The following GRP variants were observed in gnomAD, a reference collection of about 807,000 sequenced individuals.
The protein encoded by GRP is gastrin-releasing peptide.
In GRP, 11 loss-of-function variants were observed where a neutral mutation model predicts 12.7. The observed-to-expected ratio is 0.87, with a 90% CI of 0.55 to 1.44. GRP has a LOEUF of 1.44. Ranked by LOEUF, GRP falls within the 40% of genes most tolerant of loss-of-function variation. GRP has a pLI of 0.00. For missense variants in GRP, 212 were observed against 185.4 expected (o/e 1.14, Z -0.83); for synonymous variants, 84 against 77.7 (o/e 1.08, Z -0.43).
intron 1 of GRP, among the ~76,000 whole-genome samples, chr18:59,224,541 G>T: frequency 6.6e-6 from 1 of 152,170 alleles, no homozygotes; most frequent in East Asian, 1.9e-4. Flanking sequence ...ATTTCAAAGT[G>T]CTACAAAGTC....
chr18:59,224,688 A>G (rs2069887272), intron 1 of GRP, among the ~76,000 whole-genome samples: 1 of 152,264 alleles, frequency 6.6e-6, no homozygotes, highest in Admixed American at 6.5e-5. Flanking sequence ...TCTTGCATAC[A>G]TAAATTTTCA....
chr18:59,225,468 G>GTGTTTT, intron 1 of GRP, 24 bp from the exon 2 acceptor site: 4 of 1,589,226 alleles, frequency 2.5e-6, no homozygotes, highest in Non-Finnish European at 3.4e-6. Flanking sequence ...GGCATTCTGA[G>GTGTTTT]TGTTTTTGTT....
In GRP at chr18:59,220,169, C is replaced by A; in HGVS notation, c.-97C>A. On this transcript the variant is annotated 5_prime_UTR_variant, in exon 1 of 3. Coordinates refer to ENST00000256857, the MANE Select transcript of GRP (RefSeq NM_002091.5). ...CTAGTGGAGGCCGCAGCAGTAGCAC[C>A]AGCGGCTGCGGCGGCGGAGCTCCTC... 2.0e-6 allele frequency: 2 copies of A among 982,820 alleles called. No individual in the cohort carries two copies. The highest frequency in any genetic ancestry group is 2.8e-6 in the Non-Finnish European group (2 of 719,104). The allele number at this position is 982,820 out of a possible 1,614,324, so 60.9% of individuals were successfully genotyped here.
chr18:59,230,620 G>A lies in GRP; in HGVS notation c.*152G>A. 1.7e-6 allele frequency: 1 copy of A among 602,778 alleles called. No individual in the cohort carries two copies. 37.3% of individuals were successfully genotyped at this position (602,778 alleles called of 1,614,324 possible). ...CCTTGACTAAATTCGTGATTTTCAA[G>A]CAGCATCTTCTGGTTTAAACTTGTT... On this transcript the variant is annotated 3_prime_UTR_variant, in exon 3 of 3. Coordinates refer to ENST00000256857, the MANE Select transcript of GRP (RefSeq NM_002091.5).
chr18:59,227,004 T>TCTTC (rs1311178262), intron 2 of GRP, among the ~76,000 whole-genome samples: 1 of 99,854 alleles, frequency 1.0e-5, no homozygotes, highest in African/African-American at 4.0e-5. Context: ...TTTCTTTCTT[T>TCTTC]CTTTCTTTCT....
At chr18:59,228,163 T>C (rs575192310) in intron 2 of GRP, among the ~76,000 whole-genome samples, 14 of 152,350 alleles carry the variant, frequency 9.2e-5, no homozygotes, top group Middle Eastern at 3.4e-3. Flanking sequence ...CAGTTAGTGT[T>C]TGCAGAGACC....
upstream of GRP, chr18:59,220,128 AT>A: frequency 1.9e-5 from 4 of 210,136 alleles, no homozygotes; most frequent in East Asian, 1.5e-4. Flanking sequence ...CCGGGCTTCC[AT>A]ATAAAGTAGG....
chr18:59,227,012 T>TCTTTCTTTCTTTCTCTCTTTCTTC (rs2069940141), intron 2 of GRP, among the ~76,000 whole-genome samples: 1 of 130,272 alleles, frequency 7.7e-6, no homozygotes, highest in Non-Finnish European at 1.7e-5. Flanking sequence ...TTTCTTTCTT[T>TCTTTCTTTCTTTCTCTCTTTCTTC]CTTTCTTTCT....
Position 59,225,718 on chromosome 18 carries a change from A to C in GRP, c.366A>C (p.Val122=), listed in dbSNP as rs776958526. The change falls in exon 2 of 3, where the codon GTA becomes GTC. Residue 122 remains valine (V), a synonymous_variant. Coordinates refer to ENST00000256857, the MANE Select transcript of GRP (RefSeq NM_002091.5). ...DSEDSSNFKD[V]GSKGKVGRLS... is the part of the protein sequence containing the mutation. ...AGGATAGCAGCAACTTCAAAGATGT[A>C]GGTTCAAAAGGCAAAGGTAAAAGAA... is the stretch of plus-strand genomic sequence containing the variant. 1.2e-6 allele frequency: 2 copies of C among 1,613,976 alleles called. No individual in the cohort carries two copies. Among genetic ancestry groups the C allele is most frequent in the South Asian group, 2.2e-5 (2 of 91,064 alleles).
intron 2 of GRP, among the ~76,000 whole-genome samples, chr18:59,228,541 A>T (rs2069979335): frequency 6.6e-6 from 1 of 152,218 alleles, no homozygotes; most frequent in African/African-American, 2.4e-5. Context: ...TTTTGATGAC[A>T]AAGATATTTA....
Position 59,220,322 on chromosome 18 carries a change from C to T in GRP, c.57C>T (p.Pro19=). ...TGGCGCTGGTCCTCTGCCTGGCGCC[C>T]CGGGGGCGAGCGGTCCCGCTGCCTG... is the stretch of plus-strand genomic sequence containing the variant. The part of the protein sequence containing the change: ...VLLALVLCLA[P]RGRAVPLPAG... Residue 19 remains proline, a synonymous_variant, in exon 1 of 3, where the codon CCC becomes CCT. Transcript: ENST00000256857. 6.7e-7 allele frequency: 1 copy of T among 1,498,512 alleles called. No homozygotes were observed. Among genetic ancestry groups the T allele is most frequent in the Non-Finnish European group, 8.9e-7 (1 of 1,127,756 alleles). The allele number at this position is 1,498,512 out of a possible 1,614,324, so 92.8% of individuals were successfully genotyped here. A position where few individuals can be genotyped will look rare whatever the true frequency, so the allele number is the denominator to read the frequency against.
intron 2 of GRP, among the ~76,000 whole-genome samples, chr18:59,228,258 A>T (rs1014905733): frequency 1.3e-5 from 2 of 152,180 alleles, no homozygotes; most frequent in Non-Finnish European, 2.9e-5. Flanking sequence ...CCTTACAATG[A>T]TCTTATTCAA....
Position 59,220,411 on chromosome 18 carries a change from G to A in GRP, c.139+7G>A, listed in dbSNP as rs1186999786. The A allele has an allele frequency of 7.4e-7, 1 of 1,353,840 alleles. No individual in the cohort carries two copies. The highest frequency in any genetic ancestry group is 9.5e-7 in the Non-Finnish European group (1 of 1,050,300). The allele number at this position is 1,353,840 out of a possible 1,614,324, so 83.9% of individuals were successfully genotyped here. On this transcript the variant is annotated splice_region_variant and intron_variant, in intron 1 of 2. Coordinates refer to ENST00000256857, the MANE Select transcript of GRP (RefSeq NM_002091.5). ...GGCAACCACTGGGCGGTGGGTGAGT[G>A]TCCTGGCCGCGGGAGCCGCGCGCTT...
rs369106842 is a variant in GRP, at chr18:59,220,438, T to G, written c.139+34T>G. On this transcript the variant is annotated intron_variant, in intron 1 of 2. Coordinates refer to ENST00000256857, the MANE Select transcript of GRP (RefSeq NM_002091.5). ...CCTGGCCGCGGGAGCCGCGCGCTTG[T>G]CCTCCTCTGGATCAGCCAGCCGGAG... The G allele has an allele frequency of 7.0e-4, 931 of 1,337,020 alleles. 5 individuals carry two copies. In the African/African-American group the frequency reaches 8.8e-3, roughly 13 times the overall value. The allele number at this position is 1,337,020 out of a possible 1,614,324, so 82.8% of individuals were successfully genotyped here.
upstream of GRP, among the ~76,000 whole-genome samples, chr18:59,219,420 G>T (rs2069790611): frequency 7.2e-6 from 1 of 138,856 alleles, no homozygotes. Flanking sequence ...AGAGATTGGG[G>T]AGGAGGGGAG....
At chr18:59,229,229 A>C (rs887181401) in intron 2 of GRP, among the ~76,000 whole-genome samples, 1 of 152,076 alleles carries the variant, frequency 6.6e-6, no homozygotes. Flanking sequence ...CCTACCCCCA[A>C]CAATGGACCC....
At chr18:59,223,435 C>T (rs1230286595) in intron 1 of GRP, among the ~76,000 whole-genome samples, 1 of 152,172 alleles carries the variant, frequency 6.6e-6, no homozygotes, top group Non-Finnish European at 1.5e-5. Context: ...AGAACTGATC[C>T]CCACACATTC....
upstream of GRP, chr18:59,220,108 G>GCCCCCCCCCCCCC: frequency 4.6e-6 from 1 of 219,008 alleles, no homozygotes; most frequent in East Asian, 1.7e-4. Flanking sequence ...GAGCCCCCCA[G>GCCCCCCCCCCCCC]CCCCCCCGCC....
chr18:59,220,389 A>G lies in GRP; in HGVS notation c.124A>G (p.Asn42Asp). The change falls in exon 1 of 3, where the codon AAC becomes GAC. Residue 42 changes from asparagine (N) to aspartate (D), a missense_variant. Physicochemically the swap from Asn to Asp is conservative, Grantham distance 23. Transcript: ENST00000256857. ...TVLTKMYPRGNHWAVGHLMGK... is the reference protein window; with the variant it reads ...TVLTKMYPRGDHWAVGHLMGK... ...GCTGACCAAGATGTACCCGCGCGGC[A>G]ACCACTGGGCGGTGGGTGAGTGTCC... 2 of 1,406,798 alleles carry G rather than the reference A, an allele frequency of 1.4e-6. No individual in the cohort carries two copies. The highest frequency in any genetic ancestry group is 1.9e-6 in the Non-Finnish European group (2 of 1,078,736). 87.1% of individuals were successfully genotyped at this position (1,406,798 alleles called of 1,614,324 possible). A position where few individuals can be genotyped will look rare whatever the true frequency, so the allele number is the denominator to read the frequency against.
Sources: allele counts gnomAD v4.1 joint callset (sites outside exome capture counted in the v4.1 genomes callset), GRCh38; gene constraint gnomAD v4.1.1; transcripts MANE v1.5; gene names NCBI Gene and HGNC (gene_info 2026-07-23, HGNC 2026-07-21).